Variants in RIN3 observed in about 807,000 individuals in gnomAD.
The protein encoded by RIN3 is RAB5 interacting protein 3.
RIN3 carries 54 observed loss-of-function variants against 76.3 expected under a neutral mutation model. That is an observed-to-expected ratio of 0.71 (90% confidence interval 0.57 to 0.89). The LOEUF is 0.89. RIN3 is among the 40% of genes least tolerant of loss of function. The pLI is 0.00. For missense variants in RIN3, 1,256 were observed against 1,322.1 expected (o/e 0.95, Z 0.78); for synonymous variants, 576 against 564.0 (o/e 1.02, Z -0.30).
intron 8 of RIN3, among the ~76,000 whole-genome samples, chr14:92,679,462 A>T (rs1381373927): frequency 2.0e-5 from 3 of 152,232 alleles, no homozygotes; most frequent in Non-Finnish European, 4.4e-5. Flanking sequence ...CACCTAGGAC[A>T]GCCAGCCTTG....
At chr14:92,653,189 T>C (rs2140144112) in intron 6 of RIN3, 114 bp downstream of exon 6, 5 of 1,133,082 alleles carry the variant, frequency 4.4e-6, no homozygotes, top group Non-Finnish European at 6.1e-6. Context: ...GCCCACCCCC[T>C]ATCCCTTCCT....
intron 7 of RIN3, among the ~76,000 whole-genome samples, chr14:92,672,755 T>C (rs1330055940): frequency 6.6e-6 from 1 of 152,098 alleles, no homozygotes; most frequent in Non-Finnish European, 1.5e-5. Flanking sequence ...CAACTAAAAC[T>C]ACTCCAATTC....
chr14:92,651,990 C>T lies in RIN3; in HGVS notation c.941C>T (p.Ser314Phe). 6.6e-7 allele frequency: 1 copy of T among 1,516,856 alleles called. No homozygotes were observed. The highest frequency in any genetic ancestry group is 9.0e-7 in the Non-Finnish European group (1 of 1,111,334). The allele number at this position is 1,516,856 out of a possible 1,614,324, so 94.0% of individuals were successfully genotyped here. A position where few individuals can be genotyped will look rare whatever the true frequency, so the allele number is the denominator to read the frequency against. ...APAPACPLPTSPPVPAPHVTP... is the reference protein window; with the variant it reads ...APAPACPLPTFPPVPAPHVTP... ...GCCCCTGCCTGTCCTTTGCCCACCT[C>T]TCCCCCAGTGCCTGCCCCCCACGTC... The change falls in exon 6 of 10, where the codon TCT becomes TTT. Residue 314 changes from serine (S) to phenylalanine (F), a missense_variant. Ser to Phe is a radical substitution (Grantham distance 155). This residue lies in a region of RIN3 where 610 missense variants were observed against 626.4 expected (regional missense o/e 0.97). Transcript: ENST00000216487.
At chr14:92,616,276 C>A (rs1042748439) in intron 4 of RIN3, among the ~76,000 whole-genome samples, 1 of 152,206 alleles carries the variant, frequency 6.6e-6, no homozygotes, top group Non-Finnish European at 1.5e-5. Context: ...TGAAAGTACA[C>A]TCCACACGGT....
At chr14:92,678,122 C>G (rs1267373874) in intron 8 of RIN3, among the ~76,000 whole-genome samples, 1 of 151,668 alleles carries the variant, frequency 6.6e-6, no homozygotes, top group Non-Finnish European at 1.5e-5. Context: ...ATCCACCCAT[C>G]CACATATTCA....
intron 1 of RIN3, among the ~76,000 whole-genome samples, chr14:92,520,412 C>A (rs1436789144): frequency 6.6e-6 from 1 of 152,132 alleles, no homozygotes; most frequent in African/African-American, 2.4e-5. Context: ...CGAGGGGCTG[C>A]CCTAGGGGGG....
intron 7 of RIN3, among the ~76,000 whole-genome samples, chr14:92,671,076 C>G (rs1188194327): frequency 6.6e-6 from 1 of 152,158 alleles, no homozygotes; most frequent in Non-Finnish European, 1.5e-5. Flanking sequence ...TGTCAGCAGC[C>G]TACGTCCCAA....
rs1217213989 is a variant in RIN3, at chr14:92,558,941, A to G, written c.249+2986A>G. ...TCTTGCAGTGGCGCAATCTCAGCTC[A>G]CTGCAACCTCCACCTCCTGGGTTCA... On this transcript the variant is annotated intron_variant, in intron 2 of 9. Transcript: ENST00000216487. 3.7e-5 allele frequency among the ~76,000 whole-genome samples: 5 copies of G among 133,626 alleles called. No individual in the cohort carries two copies. In the Admixed American group the frequency reaches 4.3e-4, roughly 11 times the overall value. The allele number at this position is 133,626 out of a possible 152,430, so 87.7% of individuals were successfully genotyped here. A position where few individuals can be genotyped will look rare whatever the true frequency, so the allele number is the denominator to read the frequency against.
chr14:92,547,116 A>ATTT lies in RIN3; in HGVS notation c.45-8633_45-8631dup, dbSNP rs1897292064. 4.6e-5 allele frequency among the ~76,000 whole-genome samples: 4 copies of ATTT among 86,574 alleles called. 1 individual carries two copies. The highest frequency in any genetic ancestry group is 7.3e-4 in the South Asian group (2 of 2,748). The allele number at this position is 86,574 out of a possible 152,430, so 56.8% of individuals were successfully genotyped here. A position where few individuals can be genotyped will look rare whatever the true frequency, so the allele number is the denominator to read the frequency against. On this transcript the variant is annotated intron_variant, in intron 1 of 9. Transcript: ENST00000216487. ...TATTATAATTAAATAAATTATCTTTATTTTATTATTATTATAAAGTAAATT... is the reference window on the plus strand; with the variant it reads ...TATTATAATTAAATAAATTATCTTTATTTTTTTATTATTATTATAAAGTAAATT...
chr14:92,516,449 T>C (rs6575263), intron 1 of RIN3, among the ~76,000 whole-genome samples: 138,625 of 152,222 alleles, frequency 0.91, 64,115 homozygotes, highest in Non-Finnish European at 1. Context: ...TGTGAGCTCG[T>C]AGCTCCAGCT....
Position 92,688,108 on chromosome 14 carries a change from G to A in RIN3, c.2814G>A (p.Ala938=). 6.2e-7 allele frequency: 1 copy of A among 1,608,078 alleles called. No individual in the cohort carries two copies. Among genetic ancestry groups the A allele is most frequent in the South Asian group, 1.1e-5 (1 of 90,648 alleles). The change falls in exon 10 of 10, where the codon GCG becomes GCA. Residue 938 remains alanine (A), a synonymous_variant. Transcript: ENST00000216487. ...GCTGCTTCCAGCTGGCGGACGACGC[G>A]CTGCCGCACTGCATCAAGGGCTACC... ...DGRCFQLADD[A]LPHCIKGYLL...
chr14:92,658,203 A>G (rs2140149456), intron 6 of RIN3, among the ~76,000 whole-genome samples: 1 of 152,338 alleles, frequency 6.6e-6, no homozygotes, highest in East Asian at 1.9e-4. Flanking sequence ...AGCAGTTACA[A>G]GATCAGAGCG....
rs376231870 is a variant in RIN3 at position 92,636,226 on chromosome 14, C to T, written c.441-5012C>T. Among the ~76,000 whole-genome samples the T allele has an allele frequency of 4.5e-3, 689 of 151,580 alleles. 4 individuals carry two copies. The highest frequency in any genetic ancestry group is 0.016 in the African/African-American group (646 of 41,310). On this transcript the variant is annotated intron_variant, in intron 4 of 9. Coordinates refer to ENST00000216487, the MANE Select transcript of RIN3 (RefSeq NM_024832.5). ...TGATGAAAGAGGAGAGAGAGGAAGACAGAAAGAAAGAGAGAGGGAGGGAAA... is the reference window on the plus strand; with the variant it reads ...TGATGAAAGAGGAGAGAGAGGAAGATAGAAAGAAAGAGAGAGGGAGGGAAA...
chr14:92,607,163 C>G (rs1340682237), intron 3 of RIN3, among the ~76,000 whole-genome samples: 1 of 152,214 alleles, frequency 6.6e-6, no homozygotes, highest in East Asian at 1.9e-4. Flanking sequence ...TGTTCAACAT[C>G]ATTAATTATT....
chr14:92,525,516 G>T (rs1280897313), intron 1 of RIN3, among the ~76,000 whole-genome samples: 1 of 152,130 alleles, frequency 6.6e-6, no homozygotes, highest in Admixed American at 6.5e-5. Context: ...TGCCAAAGAG[G>T]GGGGTGAAAG....
At chr14:92,517,899 C>G (rs1896485971) in intron 1 of RIN3, among the ~76,000 whole-genome samples, 1 of 152,216 alleles carries the variant, frequency 6.6e-6, no homozygotes, top group African/African-American at 2.4e-5. Flanking sequence ...CAACAGCTCC[C>G]TAATTGCCCT....
At chr14:92,563,716 G>T (rs1224763367) in intron 2 of RIN3, among the ~76,000 whole-genome samples, 1 of 152,158 alleles carries the variant, frequency 6.6e-6, no homozygotes, top group East Asian at 1.9e-4. Context: ...TGTTTTAAAA[G>T]CTTCCTGGGT....
chr14:92,552,681 A>G (rs1458617972), intron 1 of RIN3, among the ~76,000 whole-genome samples: 1 of 151,980 alleles, frequency 6.6e-6, no homozygotes, highest in East Asian at 1.9e-4. Context: ...GCAGCCAGGC[A>G]CTTATTCCAC....
chr14:92,584,715 G>T (rs990483910), intron 3 of RIN3, among the ~76,000 whole-genome samples: 2 of 152,202 alleles, frequency 1.3e-5, no homozygotes, highest in African/African-American at 4.8e-5. Context: ...CTGCTGAGCT[G>T]CAGCCTGCCC....
Sources: gnomAD v4.1 joint callset for allele counts (sites outside exome capture counted in the v4.1 genomes callset) on GRCh38, gnomAD v4.1.1 for gene constraint, gnomAD v4.1.1 regional missense constraint, MANE v1.5 for transcripts, NCBI Gene and HGNC (gene_info 2026-07-23, HGNC 2026-07-21) for gene names.